The following SMAP1 variants were observed in gnomAD, a reference collection of about 807,000 sequenced individuals.
SMAP1 encodes small ArfGAP 1.
A neutral mutation model predicts 58.5 loss-of-function variants in SMAP1; 24 were observed. The observed-to-expected ratio is 0.41, with a 90% CI of 0.30 to 0.58. The LOEUF (loss-of-function observed/expected upper bound fraction) is 0.58, where lower values mean the gene tolerates loss of function less well. Among genes scored for constraint, SMAP1 ranks in the 20% least tolerant of loss-of-function variants. The probability of loss-of-function intolerance (pLI) is 0.29; values close to 1 mark genes in which losing one functional copy is unlikely to be tolerated. For missense variants in SMAP1, 563 were observed against 566.3 expected, an observed-to-expected ratio of 0.99 and a Z score of 0.06; for synonymous variants, 216 against 196.6, an observed-to-expected ratio of 1.10 and a Z score of -0.82.
chr6:70,780,987 A>G (rs528720055), intron 4 of SMAP1, among the ~76,000 whole-genome samples: 3 of 152,358 alleles, frequency 2.0e-5, no homozygotes, highest in East Asian at 1.9e-4. Flanking sequence ...CACTTGCAAT[A>G]TAAGCTATTG....
chr6:70,744,859 G>A (rs1382939100), intron 2 of SMAP1, among the ~76,000 whole-genome samples: 3 of 152,150 alleles, frequency 2.0e-5, no homozygotes, highest in African/African-American at 2.4e-5. Flanking sequence ...TTTAATGATT[G>A]CCATTCTAAC....
At chr6:70,710,473 A>G (rs1270231289) in intron 1 of SMAP1, among the ~76,000 whole-genome samples, 1 of 135,968 alleles carries the variant, frequency 7.4e-6, no homozygotes, top group Non-Finnish European at 1.5e-5. Flanking sequence ...CAGCCTGGTG[A>G]CAGAGCGAGA....
chr6:70,718,745 G>A (rs1005300132), intron 1 of SMAP1, among the ~76,000 whole-genome samples: 8 of 150,494 alleles, frequency 5.3e-5, no homozygotes, highest in Admixed American at 6.6e-5. Context: ...CCCTTGAACC[G>A]GGAAGTAGAG....
At chr6:70,806,006 A>C (rs1385616125) in intron 6 of SMAP1, among the ~76,000 whole-genome samples, 1 of 152,222 alleles carries the variant, frequency 6.6e-6, no homozygotes, top group Non-Finnish European at 1.5e-5. Context: ...CTCAGAGCTC[A>C]AATGCAGTGC....
At chr6:70,671,785 G>A (rs138006358) in intron 1 of SMAP1, among the ~76,000 whole-genome samples, 1 of 152,154 alleles carries the variant, frequency 6.6e-6, no homozygotes, top group African/African-American at 2.4e-5. Flanking sequence ...CATTCATTTT[G>A]TAGCATGTGT....
At chr6:70,717,589 G>A (rs1197443407) in intron 1 of SMAP1, among the ~76,000 whole-genome samples, 3 of 152,126 alleles carry the variant, frequency 2.0e-5, no homozygotes, top group Non-Finnish European at 4.4e-5. Flanking sequence ...GGAGACTGTC[G>A]GCCAGTTTCT....
At chr6:70,686,336 A>G (rs552794352) in intron 1 of SMAP1, among the ~76,000 whole-genome samples, 2 of 152,310 alleles carry the variant, frequency 1.3e-5, no homozygotes, top group South Asian at 4.1e-4. Flanking sequence ...AAACAAATAC[A>G]TATTTTCTCT....
chr6:70,747,294 C>G (rs978859246), intron 2 of SMAP1, among the ~76,000 whole-genome samples: 20 of 152,206 alleles, frequency 1.3e-4, no homozygotes, highest in African/African-American at 4.8e-4. Flanking sequence ...TTACCAATCA[C>G]TGAACGCATA....
At chr6:70,698,546 T>G (rs1767502400) in intron 1 of SMAP1, among the ~76,000 whole-genome samples, 2 of 152,230 alleles carry the variant, frequency 1.3e-5, no homozygotes, top group South Asian at 4.1e-4. Context: ...AGGACTGTTT[T>G]CTAGATTTCG....
intron 7 of SMAP1, among the ~76,000 whole-genome samples, chr6:70,849,477 G>A (rs900304127): frequency 6.6e-5 from 10 of 152,078 alleles, no homozygotes; most frequent in Non-Finnish European, 1.5e-4. Context: ...ATAGTGCAGT[G>A]GTAAAAACAG....
chr6:70,758,285 C>A (rs1052392888), intron 3 of SMAP1, among the ~76,000 whole-genome samples: 16 of 150,004 alleles, frequency 1.1e-4, no homozygotes, highest in African/African-American at 3.9e-4. Context: ...AAACCAAACA[C>A]TGCATATTCT....
At chr6:70,844,355 G>T (rs185096314) in intron 7 of SMAP1, among the ~76,000 whole-genome samples, 27 of 152,320 alleles carry the variant, frequency 1.8e-4, no homozygotes, top group Admixed American at 8.5e-4. Context: ...GCATGTGTGT[G>T]TGGTGTCTTC....
At chr6:70,758,540 A>AAT (rs1766613003) in intron 3 of SMAP1, among the ~76,000 whole-genome samples, 1 of 152,078 alleles carries the variant, frequency 6.6e-6, no homozygotes, top group Admixed American at 6.6e-5. Context: ...TAAATAAATA[A>AAT]AAATAAAAAC....
intron 2 of SMAP1, among the ~76,000 whole-genome samples, chr6:70,746,523 G>C (rs1766048883): frequency 6.6e-6 from 1 of 152,160 alleles, no homozygotes; most frequent in Admixed American, 6.5e-5. Flanking sequence ...GGTTGAAGCT[G>C]ACTGTATCCT....
At chr6:70,705,310 G>A (rs547978724) in intron 1 of SMAP1, among the ~76,000 whole-genome samples, 1 of 151,114 alleles carries the variant, frequency 6.6e-6, no homozygotes, top group East Asian at 1.9e-4. Flanking sequence ...GGAGTGAAGT[G>A]GTGTGATCTT....
chr6:70,792,172 G>A (rs528211319), intron 5 of SMAP1, among the ~76,000 whole-genome samples: 24 of 152,120 alleles, frequency 1.6e-4, no homozygotes, highest in African/African-American at 5.5e-4. Context: ...CAGATAAAAC[G>A]TGTATTATGG....
intron 7 of SMAP1, among the ~76,000 whole-genome samples, chr6:70,848,608 T>G (rs2150006939): frequency 6.6e-6 from 1 of 152,298 alleles, no homozygotes; most frequent in East Asian, 1.9e-4. Flanking sequence ...GTGTCCTAGT[T>G]GGTATAACTG....
Position 70,858,130 on chromosome 6 carries a change from CGTT to C in SMAP1, c.1175_1177del (p.Val392del), listed in dbSNP as rs1342576142. On this transcript the variant is annotated inframe_deletion, in exon 10 of 11. Transcript: ENST00000370455. ...CTGGTGTGATGCCACTTCCTCAGAACGTTGTTGGCCCCCAAGGAGGAATGGTGG... is the reference window on the plus strand; with the variant it reads ...CTGGTGTGATGCCACTTCCTCAGAACGTTGGCCCCCAAGGAGGAATGGTGG... 6.2e-7 allele frequency: 1 copy of C among 1,614,018 alleles called. No homozygotes were observed. Among genetic ancestry groups the C allele is most frequent in the Non-Finnish European group, 8.5e-7 (1 of 1,180,004 alleles).
At chr6:70,811,122 C>T (rs1008491196) in intron 6 of SMAP1, among the ~76,000 whole-genome samples, 2 of 152,092 alleles carry the variant, frequency 1.3e-5, no homozygotes, top group African/African-American at 4.8e-5. Flanking sequence ...ATAGAAGAAC[C>T]TATACTTGAT....
Sources: gnomAD v4.1 joint callset for allele counts (sites outside exome capture counted in the v4.1 genomes callset) on GRCh38, gnomAD v4.1.1 for gene constraint, MANE v1.5 for transcripts, NCBI Gene and HGNC (gene_info 2026-07-23, HGNC 2026-07-21) for gene names.